VSTM4: variants seen among roughly 807,000 people sequenced by gnomAD.
VSTM4 encodes V-set and transmembrane domain-containing protein 4.
VSTM4 carries 20 observed loss-of-function variants against 36.4 expected under a neutral mutation model. The observed-to-expected ratio is 0.55, with a 90% CI of 0.39 to 0.80. The LOEUF is 0.80. Ranked by LOEUF, VSTM4 falls within the 30% of genes least tolerant of loss-of-function variation. VSTM4 has a pLI of 0.00. For missense variants in VSTM4, 392 were observed against 404.5 expected (o/e 0.97, Z 0.26); for synonymous variants, 182 against 173.9 (o/e 1.05, Z -0.37).
chr10:49,109,453 T>C (rs1564600116), intron 1 of VSTM4, among the ~76,000 whole-genome samples: 1 of 144,248 alleles, frequency 6.9e-6, no homozygotes, highest in African/African-American at 2.7e-5. Flanking sequence ...ATTGATTTAA[T>C]AACTGAACAC....
rs551454102 is a variant in VSTM4 at position 49,093,499 on chromosome 10, A to G, written c.458-7476T>C. Among the ~76,000 whole-genome samples, 148 of 152,318 alleles carry G rather than the reference A, an allele frequency of 9.7e-4. 1 individual carries two copies. Among genetic ancestry groups the G allele is most frequent in the Admixed American group, 2.9e-3 (44 of 15,302 alleles). On this transcript the variant is annotated intron_variant, in intron 2 of 7. Transcript: ENST00000332853. ...ATTTTTAAAAGAGCAGAACATGTGT[A>G]AGGATGGACGTGTCTTCCCAAGGAG...
intron 7 of VSTM4, among the ~76,000 whole-genome samples, chr10:49,029,532 C>G (rs757647683): frequency 6.6e-6 from 1 of 152,180 alleles, no homozygotes; most frequent in Non-Finnish European, 1.5e-5. Flanking sequence ...CAGAGCCAGT[C>G]AGTCCTTCCC....
chr10:49,027,828 CA>C (rs1843286668), intron 7 of VSTM4, among the ~76,000 whole-genome samples: 1 of 152,246 alleles, frequency 6.6e-6, no homozygotes, highest in Admixed American at 6.5e-5. Context: ...GCTAGCCATC[CA>C]CTCACCTGCT....
At chr10:49,073,306 G>A (rs1426534979) in intron 4 of VSTM4, among the ~76,000 whole-genome samples, 1 of 152,178 alleles carries the variant, frequency 6.6e-6, no homozygotes, top group African/African-American at 2.4e-5. Flanking sequence ...AAGGCTCTGG[G>A]AGGACGGCTT....
At chr10:49,046,090 C>A (rs1843606787) in intron 7 of VSTM4, among the ~76,000 whole-genome samples, 1 of 152,170 alleles carries the variant, frequency 6.6e-6, no homozygotes, top group African/African-American at 2.4e-5. Flanking sequence ...CCCCTTCCAC[C>A]ATGACTGTAA....
At chr10:49,091,451 C>CTATCAACTGCATG (rs1197503629) in intron 2 of VSTM4, among the ~76,000 whole-genome samples, 16 of 152,364 alleles carry the variant, frequency 1.1e-4, no homozygotes, top group Admixed American at 2.0e-4. Flanking sequence ...CAAACCGATT[C>CTATCAACTGCATG]TATCAACTGC....
chr10:49,022,801 G>A (rs922518584), intron 7 of VSTM4, among the ~76,000 whole-genome samples: 3 of 152,102 alleles, frequency 2.0e-5, no homozygotes, highest in Admixed American at 6.6e-5. Flanking sequence ...ATATTGTCCA[G>A]GTGTGTTATT....
In VSTM4 at chr10:49,016,718, T is replaced by C. The variant is rs1843110030; in HGVS notation, c.*2932A>G. 2 of 152,230 alleles carry C rather than the reference T, an allele frequency of 1.3e-5. No individual in the cohort carries two copies. The highest frequency in any genetic ancestry group is 2.9e-5 in the Non-Finnish European group (2 of 68,044). The allele number at this position is 152,230 out of a possible 1,614,324, so 9.4% of individuals were successfully genotyped here. On this transcript the variant is annotated 3_prime_UTR_variant, in exon 8 of 8. Coordinates refer to ENST00000332853, the MANE Select transcript of VSTM4 (RefSeq NM_001031746.5). ...TGGGAGGCCTGGCTTTTCCTTATTT[T>C]CCCTGTGAGCTAACAGAGTGGCGGT...
chr10:49,091,749 G>C (rs561547053), intron 2 of VSTM4, among the ~76,000 whole-genome samples: 2 of 152,140 alleles, frequency 1.3e-5, no homozygotes, highest in African/African-American at 4.8e-5. Context: ...ACTCACCCAC[G>C]GAAGTGATGG....
chr10:49,035,669 CA>C (rs3080379), intron 7 of VSTM4, among the ~76,000 whole-genome samples: 4 of 69,288 alleles, frequency 5.8e-5, no homozygotes, highest in African/African-American at 2.5e-4. Context: ...CCCAGCTCCA[CA>C]AAAAAAAAAA....
chr10:49,094,912 TG>T (rs1197876511), intron 2 of VSTM4, among the ~76,000 whole-genome samples: 1 of 152,118 alleles, frequency 6.6e-6, no homozygotes, highest in Non-Finnish European at 1.5e-5. Context: ...CAGTCTCCCC[TG>T]GGGCTCAAAT....
At chr10:49,080,902 G>T (rs978119828) in intron 3 of VSTM4, among the ~76,000 whole-genome samples, 6 of 152,198 alleles carry the variant, frequency 3.9e-5, no homozygotes. Flanking sequence ...AATCAAAACT[G>T]CCTTTCTAGT....
intron 1 of VSTM4, among the ~76,000 whole-genome samples, chr10:49,113,765 G>A (rs1422986296): frequency 1.3e-5 from 2 of 152,134 alleles, no homozygotes; most frequent in African/African-American, 2.4e-5. Context: ...TGTATAAAAT[G>A]GGTCTGCCAG....
chr10:49,080,927 C>T (rs1200148283), intron 3 of VSTM4, among the ~76,000 whole-genome samples: 1 of 152,170 alleles, frequency 6.6e-6, no homozygotes, highest in Non-Finnish European at 1.5e-5. Context: ...GCCTGTGTCT[C>T]TGATGTGTGG....
chr10:49,072,378 T>C (rs578194475), intron 4 of VSTM4, among the ~76,000 whole-genome samples: 3 of 152,232 alleles, frequency 2.0e-5, no homozygotes, highest in Non-Finnish European at 4.4e-5. Flanking sequence ...GCACCACCAA[T>C]CCTCAGGCCC....
At chr10:49,077,408 G>T (rs753134648) in intron 3 of VSTM4, 82 bp from the exon 4 acceptor site, 170 of 1,282,784 alleles carry the variant, frequency 1.3e-4, no homozygotes, top group Non-Finnish European at 1.8e-4. Flanking sequence ...ATCAGAATTG[G>T]AATATTTGAA....
intron 3 of VSTM4, among the ~76,000 whole-genome samples, chr10:49,084,778 T>C (rs1324737094): frequency 6.6e-6 from 1 of 152,256 alleles, no homozygotes; most frequent in Non-Finnish European, 1.5e-5. Context: ...CATTCTTTAA[T>C]TGCTTATGAT....
chr10:49,114,742 C>G (rs1190899449), intron 1 of VSTM4, among the ~76,000 whole-genome samples: 1 of 152,186 alleles, frequency 6.6e-6, no homozygotes. Flanking sequence ...GCCCCTGCTG[C>G]CCTGAGGCAG....
At chr10:49,080,941 C>G (rs780295711) in intron 3 of VSTM4, among the ~76,000 whole-genome samples, 7 of 152,162 alleles carry the variant, frequency 4.6e-5, no homozygotes, top group Non-Finnish European at 7.3e-5. Flanking sequence ...TGTGTGGGCT[C>G]TGTAGATTAA....
Sources: allele counts gnomAD v4.1 joint callset (sites outside exome capture counted in the v4.1 genomes callset), GRCh38; gene constraint gnomAD v4.1.1; transcripts MANE v1.5; gene names NCBI Gene and HGNC (gene_info 2026-07-23, HGNC 2026-07-21).